ABCA13: variants seen among roughly 807,000 people sequenced by gnomAD.
The protein encoded by ABCA13 is ATP-binding cassette sub-family A member 13.
Under a neutral mutation model 478.7 loss-of-function variants are expected in ABCA13, and 476 were observed. That is an observed-to-expected ratio of 0.99 (90% CI 0.92 to 1.07). ABCA13 has a LOEUF of 1.07. Among genes scored for constraint, ABCA13 ranks in the 50% least tolerant of loss-of-function variants. The pLI is 0.00. For synonymous variants in ABCA13, 2,252 were observed against 2,158.9 expected (o/e 1.04, Z -1.20); for missense variants, 6,060 against 5,910.6 (o/e 1.03, Z -0.83).
At chr7:48,506,260 G>C (rs1242384160) in intron 48 of ABCA13, 76 bp from the exon 49 acceptor site, 1 of 1,477,952 alleles carries the variant, frequency 6.8e-7, no homozygotes, top group Non-Finnish European at 9.4e-7. Flanking sequence ...CAGGGAATCT[G>C]CGTAGCCTGT....
Position 48,508,045 on chromosome 7 carries a change from A to G in ABCA13, c.13520A>G (p.Asp4507Gly), listed in dbSNP as rs1831366488. 6.2e-7 allele frequency: 1 copy of G among 1,613,700 alleles called. No individual in the cohort carries two copies. The highest frequency in any genetic ancestry group is 1.1e-5 in the South Asian group (1 of 91,076). ...RMYWFTNFLY[D>G]MLFYLVSVCL... ...TACTGGTTCACAAACTTCCTATATG[A>G]CATGGTAGGATTTGGGAATGAGATT... Residue 4507 changes from aspartate to glycine, a missense_variant, in exon 50 of 62, where the codon GAC becomes GGC. Coordinates refer to ENST00000435803, the MANE Select transcript of ABCA13 (RefSeq NM_152701.5).
intron 3 of ABCA13, among the ~76,000 whole-genome samples, chr7:48,199,553 G>A (rs1436768160): frequency 2.0e-5 from 3 of 152,158 alleles, no homozygotes; most frequent in South Asian, 4.1e-4. Flanking sequence ...ATGTTTCAAC[G>A]TAAAAATTTG....
At position 48,293,196 on chromosome 7, in the gene ABCA13, C is replaced by CG. The variant is rs1054093982; in HGVS notation, c.8956-2504_8956-2503insG. Among the ~76,000 whole-genome samples, 206 of 131,858 alleles carry CG rather than the reference C, an allele frequency of 1.6e-3. 3 individuals carry two copies. The highest frequency in any genetic ancestry group is 5.1e-3 in the African/African-American group (193 of 38,032). 86.5% of individuals were successfully genotyped at this position (131,858 alleles called of 152,430 possible). On this transcript the variant is annotated intron_variant, in intron 20 of 61. Transcript: ENST00000435803. Reference sequence around the variant, plus strand: ...TCATTTCCTGAGAAGTCTTCAGCCCCCCCCCCGCCACACACACACTAAATC... The same window carrying CG: ...TCATTTCCTGAGAAGTCTTCAGCCCCGCCCCCCGCCACACACACACTAAATC...
At chr7:48,577,719 T>A in intron 55 of ABCA13, among the ~76,000 whole-genome samples, 1 of 118,272 alleles carries the variant, frequency 8.5e-6, no homozygotes, top group African/African-American at 3.4e-5. Flanking sequence ...TATGGTTAAC[T>A]GTTTTTATGA....
At chr7:48,257,314 C>G (rs1282369077) in intron 15 of ABCA13, among the ~76,000 whole-genome samples, 1 of 152,054 alleles carries the variant, frequency 6.6e-6, no homozygotes, top group Non-Finnish European at 1.5e-5. Flanking sequence ...CCTGATTGCT[C>G]TGGATAGGAC....
chr7:48,512,852 G>A (rs1404035229), intron 51 of ABCA13, among the ~76,000 whole-genome samples: 4 of 152,172 alleles, frequency 2.6e-5, no homozygotes, highest in Admixed American at 2.6e-4. Flanking sequence ...CACGCTTCTG[G>A]TTAAGAACTC....
chr7:48,224,395 A>G (rs556674642), intron 5 of ABCA13, among the ~76,000 whole-genome samples: 49 of 152,226 alleles, frequency 3.2e-4, no homozygotes, highest in African/African-American at 1.2e-3. Flanking sequence ...TCCCCCAGCA[A>G]TGGTTCAACT....
chr7:48,483,534 G>T (rs557098718), intron 47 of ABCA13, among the ~76,000 whole-genome samples: 6 of 152,226 alleles, frequency 3.9e-5, no homozygotes, highest in Non-Finnish European at 8.8e-5. Context: ...AGGCTGGATA[G>T]ATAGGCCTGG....
chr7:48,177,206 T>C (rs1418010565), intron 1 of ABCA13, among the ~76,000 whole-genome samples: 1 of 152,222 alleles, frequency 6.6e-6, no homozygotes, highest in Non-Finnish European at 1.5e-5. Context: ...CATAGTTACA[T>C]GTTATAGCTC....
chr7:48,481,118 T>A lies in ABCA13; in HGVS notation c.13058T>A (p.Met4353Lys). 6.3e-7 allele frequency: 1 copy of A among 1,597,172 alleles called. No individual in the cohort carries two copies. Among genetic ancestry groups the A allele is most frequent in the Non-Finnish European group, 8.5e-7 (1 of 1,171,318 alleles). The change falls in exon 46 of 62, where the codon ATG (methionine) becomes AAG (lysine). Residue 4353 changes from methionine to lysine, a missense_variant. Physicochemically the swap from Met to Lys is moderately conservative, Grantham distance 95. Around this residue, in one of 3 missense-constraint regions of ABCA13, gnomAD observed 1,627 missense variants for 1,571.0 expected, o/e 1.04. Coordinates refer to ENST00000435803, the MANE Select transcript of ABCA13 (RefSeq NM_152701.5). ...HTLLNLSGFN[M>K]EEYLLAPSEK... ...CTGTTGAATCTCTCAGGCTTCAATATGGAGGAGTACTTGCTGGCACCATCT... is the reference window on the plus strand; with the variant it reads ...CTGTTGAATCTCTCAGGCTTCAATAAGGAGGAGTACTTGCTGGCACCATCT...
rs969048929 is a variant in ABCA13 at position 48,469,052 on chromosome 7, C to T, written c.12905+2007C>T. ...GGCACTTCAGTGTTGAATTCTCCTACTATTTCTAACACAAAATGGTCACTT... is the reference window on the plus strand; with the variant it reads ...GGCACTTCAGTGTTGAATTCTCCTATTATTTCTAACACAAAATGGTCACTT... On this transcript the variant is annotated intron_variant, in intron 44 of 61. Transcript: ENST00000435803. Among the ~76,000 whole-genome samples the T allele has an allele frequency of 5.9e-5, 9 of 152,342 alleles. No individual in the cohort carries two copies. In the South Asian group the frequency reaches 1.4e-3, roughly 25 times the overall value.
chr7:48,292,927 A>G (rs1216316979), intron 20 of ABCA13, among the ~76,000 whole-genome samples: 1 of 152,178 alleles, frequency 6.6e-6, no homozygotes, highest in African/African-American at 2.4e-5. Flanking sequence ...GTGCTCCATA[A>G]GTATTTTTTG....
At chr7:48,260,413 C>T (rs985175885) in intron 15 of ABCA13, among the ~76,000 whole-genome samples, 5 of 152,050 alleles carry the variant, frequency 3.3e-5, no homozygotes, top group Non-Finnish European at 7.4e-5. Context: ...AACTAATTTA[C>T]GTTCCTCCAG....
chr7:48,322,711 T>C (rs776892939), intron 27 of ABCA13, among the ~76,000 whole-genome samples: 7 of 152,200 alleles, frequency 4.6e-5, no homozygotes, highest in Admixed American at 6.5e-5. Context: ...ACAGGCACTG[T>C]GTGTTTTTGC....
Position 48,297,201 on chromosome 7 carries a change from C to T in ABCA13, c.9120-31C>T, listed in dbSNP as rs140734705. On this transcript the variant is annotated intron_variant, in intron 21 of 61. Coordinates refer to ENST00000435803, the MANE Select transcript of ABCA13 (RefSeq NM_152701.5). ...CACTGTTTCTGATGTTTTAGCTTGC[C>T]TAATTTAGCTTTAATTTTCTGCCAT... is the stretch of plus-strand genomic sequence containing the variant. The T allele has an allele frequency of 8.2e-5, 127 of 1,552,354 alleles. No individual in the cohort carries two copies. In the African/African-American group the frequency reaches 1.5e-3, roughly 18 times the overall value.
At position 48,506,408 on chromosome 7, in the gene ABCA13, T is replaced by C; in HGVS notation, c.13346+18T>C. On this transcript the variant is annotated intron_variant, in intron 49 of 61. Coordinates refer to ENST00000435803, the MANE Select transcript of ABCA13 (RefSeq NM_152701.5). Reference sequence around the variant, plus strand: ...GACAAGATGTGAGTTGATGGAATGCTGAGGGGTGTGTGACCCTGACTATGG... The same window carrying C: ...GACAAGATGTGAGTTGATGGAATGCCGAGGGGTGTGTGACCCTGACTATGG... 4 of 1,612,966 alleles carry C rather than the reference T, an allele frequency of 2.5e-6. No homozygotes were observed. Among genetic ancestry groups the C allele is most frequent in the Non-Finnish European group, 3.4e-6 (4 of 1,179,044 alleles).
At chr7:48,576,203 T>G (rs1788164030) in intron 55 of ABCA13, among the ~76,000 whole-genome samples, 1 of 151,892 alleles carries the variant, frequency 6.6e-6, no homozygotes, top group African/African-American at 2.4e-5. Flanking sequence ...CCACCCCCCA[T>G]GGATATAGAA....
In ABCA13 at chr7:48,279,879, A is replaced by G. The variant is rs761489449; in HGVS notation, c.8685A>G (p.Val2895=). 1 of 1,536,988 alleles carries G rather than the reference A, an allele frequency of 6.5e-7. No homozygotes were observed. The highest frequency in any genetic ancestry group is 2.2e-5 in the Admixed American group (1 of 46,040). ...CLEKYLGGLF[V]LTKYWQQIPL... ...AGAAATACCTGGGAGGATTATTTGT[A>G]TTGACTAAATACTGGCAACAAATCC... Residue 2895 remains valine (V), a synonymous_variant, in exon 18 of 62, where the codon GTA becomes GTG. Coordinates refer to ENST00000435803, the MANE Select transcript of ABCA13 (RefSeq NM_152701.5).
At chr7:48,415,398 G>T (rs1224005615) in intron 41 of ABCA13, among the ~76,000 whole-genome samples, 1 of 152,126 alleles carries the variant, frequency 6.6e-6, no homozygotes, top group Non-Finnish European at 1.5e-5. Flanking sequence ...ATCATTCACC[G>T]GGTTAATCCG....
Sources: allele counts gnomAD v4.1 joint callset (sites outside exome capture counted in the v4.1 genomes callset), GRCh38; gene constraint gnomAD v4.1.1; regional missense constraint gnomAD v4.1.1; transcripts MANE v1.5; gene names NCBI Gene and HGNC (gene_info 2026-07-23, HGNC 2026-07-21).